Variants in NUDT19 observed in about 807,000 individuals in gnomAD.
NUDT19 encodes the protein acyl-coenzyme A diphosphatase NUDT19.
In NUDT19, 31 loss-of-function variants were observed where a neutral mutation model predicts 22.2. The observed-to-expected ratio is 1.40, with a 90% CI of 1.05 to 1.89. NUDT19 has a LOEUF of 1.89. NUDT19 is among the 40% of genes most tolerant of loss of function. The pLI is 0.00. For missense variants in NUDT19, 752 were observed against 514.2 expected, an observed-to-expected ratio of 1.46 and a Z score of -4.47; for synonymous variants, 325 against 230.8, an observed-to-expected ratio of 1.41 and a Z score of -3.70.
At chr19:32,705,004 G>A (rs1968372711) in intron 1 of NUDT19, among the ~76,000 whole-genome samples, 1 of 151,524 alleles carries the variant, frequency 6.6e-6, no homozygotes. Context: ...CTACTTGGGG[G>A]GCCAAGGCAG....
intron 1 of NUDT19, among the ~76,000 whole-genome samples, chr19:32,705,022 G>A (rs745790530): frequency 3.3e-5 from 5 of 151,064 alleles, no homozygotes; most frequent in South Asian, 2.1e-4. Context: ...CAGAAGAATC[G>A]GTTGAACCTG....
intron 1 of NUDT19, among the ~76,000 whole-genome samples, chr19:32,694,579 G>A (rs934476541): frequency 6.6e-6 from 1 of 152,154 alleles, no homozygotes; most frequent in Non-Finnish European, 1.5e-5. Flanking sequence ...CAGTTGTATG[G>A]CCCTGTGCTG....
Position 32,707,707 on chromosome 19 carries a change from G to A in NUDT19, c.715-1478G>A, listed in dbSNP as rs571814091. Among the ~76,000 whole-genome samples the A allele has an allele frequency of 2.4e-3, 361 of 152,212 alleles. 1 individual carries two copies. Among genetic ancestry groups the A allele is most frequent in the Non-Finnish European group, 4.1e-3 (281 of 68,004 alleles). On this transcript the variant is annotated intron_variant, in intron 1 of 2. Transcript: ENST00000397061. ...AAGATACAAAAATTAGGCCGGGCGC[G>A]GTGGCTCACGCCTGTAATCCCAGCA...
chr19:32,696,925 C>G (rs1339920335), intron 1 of NUDT19, among the ~76,000 whole-genome samples: 1 of 152,176 alleles, frequency 6.6e-6, no homozygotes, highest in Non-Finnish European at 1.5e-5. Flanking sequence ...TGGGCACCCT[C>G]AGTCTTGTTG....
chr19:32,709,811 G>A (rs554491437), intron 2 of NUDT19, among the ~76,000 whole-genome samples: 4 of 143,038 alleles, frequency 2.8e-5, no homozygotes, highest in Non-Finnish European at 4.6e-5. Flanking sequence ...CACTGTGCCC[G>A]GCTAATCTTT....
chr19:32,707,287 A>T (rs1376384527), intron 1 of NUDT19, among the ~76,000 whole-genome samples: 2 of 152,128 alleles, frequency 1.3e-5, no homozygotes, highest in Non-Finnish European at 2.9e-5. Context: ...TTTGAGGCCC[A>T]GGGCTCTGTT....
intron 1 of NUDT19, among the ~76,000 whole-genome samples, chr19:32,706,513 G>A (rs550334808): frequency 2.6e-5 from 4 of 152,098 alleles, no homozygotes; most frequent in South Asian, 2.1e-4. Flanking sequence ...AATAAACCCC[G>A]TCTCTACTAA....
intron 1 of NUDT19, among the ~76,000 whole-genome samples, chr19:32,694,024 G>A (rs759511549): frequency 1.3e-5 from 2 of 152,184 alleles, no homozygotes; most frequent in South Asian, 2.1e-4. Flanking sequence ...AGGGGTCCTC[G>A]GTAGAAGTTG....
intron 1 of NUDT19, among the ~76,000 whole-genome samples, chr19:32,706,100 T>C (rs1432640922): frequency 6.6e-6 from 1 of 152,066 alleles, no homozygotes; most frequent in African/African-American, 2.4e-5. Context: ...AAAATACTAA[T>C]AATAGGAAAA....
At chr19:32,694,684 T>C (rs1045450984) in intron 1 of NUDT19, among the ~76,000 whole-genome samples, 1 of 152,158 alleles carries the variant, frequency 6.6e-6, no homozygotes, top group Admixed American at 6.5e-5. Context: ...TTTAGCAAAC[T>C]TTACTTTTGT....
At chr19:32,698,618 C>T (rs557778631) in intron 1 of NUDT19, among the ~76,000 whole-genome samples, 64 of 151,870 alleles carry the variant, frequency 4.2e-4, no homozygotes, top group African/African-American at 1.2e-3. Flanking sequence ...CCCAAGAACC[C>T]GCAACAGTCC....
At chr19:32,711,702 G>A in intron 2 of NUDT19, 50 bp from the exon 3 acceptor site, 1 of 1,124,732 alleles carries the variant, frequency 8.9e-7, no homozygotes, top group Non-Finnish European at 1.3e-6. Context: ...CTGCCATGGT[G>A]AAAAATAATT....
chr19:32,713,617 A>C lies in NUDT19; in HGVS notation c.*1660A>C, dbSNP rs1410017217. The C allele has an allele frequency of 6.6e-6, 1 of 152,208 alleles. No individual in the cohort carries two copies. The highest frequency in any genetic ancestry group is 1.5e-5 in the Non-Finnish European group (1 of 68,036). 9.4% of individuals were successfully genotyped at this position (152,208 alleles called of 1,614,324 possible). On this transcript the variant is annotated 3_prime_UTR_variant, in exon 3 of 3. Coordinates refer to ENST00000397061, the MANE Select transcript of NUDT19 (RefSeq NM_001105570.2). ...ATGAGTAATTTTTCATCATCTTTCA[A>C]GAGGAATAATGTTTATTGATTAAAG...
At chr19:32,694,358 G>A (rs978307746) in intron 1 of NUDT19, among the ~76,000 whole-genome samples, 4 of 152,234 alleles carry the variant, frequency 2.6e-5, no homozygotes, top group African/African-American at 9.6e-5. Flanking sequence ...CAGCAGTGAG[G>A]AGGTCTAGGC....
At chr19:32,704,451 G>A (rs533552504) in intron 1 of NUDT19, among the ~76,000 whole-genome samples, 2 of 151,920 alleles carry the variant, frequency 1.3e-5, no homozygotes, top group African/African-American at 2.4e-5. Flanking sequence ...TAGTAGAGAC[G>A]GGGTTTCGCC....
At chr19:32,709,486 A>T in intron 2 of NUDT19, 94 bp downstream of exon 2, 3 of 984,842 alleles carry the variant, frequency 3.0e-6, no homozygotes, top group Non-Finnish European at 3.2e-6. Context: ...CAGGAATTAC[A>T]GTCTGTGTTT....
At chr19:32,697,353 C>T (rs904509241) in intron 1 of NUDT19, among the ~76,000 whole-genome samples, 8 of 152,114 alleles carry the variant, frequency 5.3e-5, no homozygotes, top group African/African-American at 1.9e-4. Flanking sequence ...ATAAACTTGT[C>T]TTTTAGGATC....
At chr19:32,693,357 C>T (rs954576016) in intron 1 of NUDT19, among the ~76,000 whole-genome samples, 4 of 152,144 alleles carry the variant, frequency 2.6e-5, no homozygotes, top group African/African-American at 9.7e-5. Context: ...GTTGTTTGTT[C>T]CTCTTGGTGG....
chr19:32,699,620 T>C (rs1320534420), intron 1 of NUDT19, among the ~76,000 whole-genome samples: 1 of 152,168 alleles, frequency 6.6e-6, no homozygotes, highest in African/African-American at 2.4e-5. Flanking sequence ...TCCCCATATT[T>C]AGCTCTCAAA....
Sources: gnomAD v4.1 joint callset for allele counts (sites outside exome capture counted in the v4.1 genomes callset) on GRCh38, gnomAD v4.1.1 for gene constraint, MANE v1.5 for transcripts, NCBI Gene and HGNC (gene_info 2026-07-23, HGNC 2026-07-21) for gene names.